Variants in PPP2CB observed in about 807,000 individuals in gnomAD.
The protein encoded by PPP2CB is serine/threonine-protein phosphatase 2A catalytic subunit beta isoform.
Under a neutral mutation model 39.1 loss-of-function variants are expected in PPP2CB, and 18 were observed. The ratio of observed to expected loss-of-function variants is 0.46; its 90% CI spans 0.32 to 0.68. The LOEUF (loss-of-function observed/expected upper bound fraction) is 0.68, where lower values mean the gene tolerates loss of function less well. PPP2CB is among the 30% of genes least tolerant of loss of function. The pLI is 0.04. For missense variants in PPP2CB, 226 were observed against 396.9 expected, an observed-to-expected ratio of 0.57 and a Z score of 3.66; for synonymous variants, 129 against 133.8, an observed-to-expected ratio of 0.96 and a Z score of 0.25.
At chr8:30,788,233 G>A (rs1806374625) in intron 6 of PPP2CB, among the ~76,000 whole-genome samples, 1 of 151,472 alleles carries the variant, frequency 6.6e-6, no homozygotes, top group African/African-American at 2.4e-5. Flanking sequence ...ATAAAGATAG[G>A]TTACTGATTT....
intron 2 of PPP2CB, among the ~76,000 whole-genome samples, chr8:30,798,580 T>C (rs1350076337): frequency 1.3e-5 from 2 of 152,164 alleles, no homozygotes; most frequent in Non-Finnish European, 2.9e-5. Flanking sequence ...CTATACCACC[T>C]AGGTTTGTGT....
intron 3 of PPP2CB, among the ~76,000 whole-genome samples, chr8:30,795,718 T>A (rs947760168): frequency 6.6e-6 from 1 of 151,190 alleles, no homozygotes; most frequent in Non-Finnish European, 1.5e-5. Context: ...CTGGTTGCTA[T>A]TGGTTGTTTA....
At position 30,812,795 on chromosome 8, in the gene PPP2CB, C is replaced by T. The variant is rs1186082571; in HGVS notation, c.-374G>A. On this transcript the variant is annotated 5_prime_UTR_variant, in exon 1 of 7. Transcript: ENST00000221138. ...CCCGCCTCACGCCTACCGGCCTCTCCCGACTTGTCTTTCCCCTTCTCTCGC... is the reference window on the plus strand; with the variant it reads ...CCCGCCTCACGCCTACCGGCCTCTCTCGACTTGTCTTTCCCCTTCTCTCGC... 1 of 463,488 alleles carries T rather than the reference C, an allele frequency of 2.2e-6. No individual in the cohort carries two copies. Among genetic ancestry groups the T allele is most frequent in the Non-Finnish European group, 4.3e-6 (1 of 231,544 alleles). 28.7% of individuals were successfully genotyped at this position (463,488 alleles called of 1,614,324 possible). A position where few individuals can be genotyped will look rare whatever the true frequency, so the allele number is the denominator to read the frequency against.
At chr8:30,790,531 T>C (rs1806413104) in intron 6 of PPP2CB, among the ~76,000 whole-genome samples, 1 of 152,238 alleles carries the variant, frequency 6.6e-6, no homozygotes, top group African/African-American at 2.4e-5. Context: ...TTCTGTGACC[T>C]GCCTTTCCTC....
chr8:30,801,803 T>C (rs953991843), intron 1 of PPP2CB, among the ~76,000 whole-genome samples: 9 of 152,162 alleles, frequency 5.9e-5, no homozygotes, highest in African/African-American at 1.7e-4. Flanking sequence ...ACACACACTG[T>C]AGGAATCACA....
Position 30,799,630 on chromosome 8 carries a change from C to T in PPP2CB, c.228G>A (p.Pro76=), listed in dbSNP as rs1378471067. The T allele has an allele frequency of 8.1e-6, 13 of 1,613,834 alleles. No homozygotes were observed. The highest frequency in any genetic ancestry group is 1.1e-5 in the South Asian group (1 of 91,086). ...MELFRIGGKS[P]DTNYLFMGDY... is the part of the protein sequence containing the mutation. ...CACCCATGAATAAGTAGTTTGTATC[C>T]GGTGATTTTCCACCAATTCTAAAGA... The change falls in exon 2 of 7, where the codon CCG becomes CCA. Residue 76 remains proline, a synonymous_variant. Coordinates refer to ENST00000221138, the MANE Select transcript of PPP2CB (RefSeq NM_001009552.2).
chr8:30,812,221 G>T (rs1242349274), intron 1 of PPP2CB, 99 bp downstream of exon 1: 8 of 863,890 alleles, frequency 9.3e-6, no homozygotes, highest in Non-Finnish European at 9.0e-6. Flanking sequence ...GCCCCCGGTG[G>T]GCCGCGCCGG....
chr8:30,811,580 C>T (rs913203404), intron 1 of PPP2CB, among the ~76,000 whole-genome samples: 19 of 151,464 alleles, frequency 1.3e-4, no homozygotes, highest in African/African-American at 3.4e-4. Context: ...CAACCAGCCT[C>T]CACCTCCTGG....
At chr8:30,806,468 C>G (rs1206823611) in intron 1 of PPP2CB, among the ~76,000 whole-genome samples, 6 of 152,124 alleles carry the variant, frequency 3.9e-5, no homozygotes, top group African/African-American at 1.4e-4. Context: ...TTTAAACAAT[C>G]TGGATTAGGT....
chr8:30,791,939 CATGT>C lies in PPP2CB; in HGVS notation c.739-628_739-625del, dbSNP rs138758826. 1.4e-3 allele frequency among the ~76,000 whole-genome samples: 210 copies of C among 150,264 alleles called. 1 individual carries two copies. The highest frequency in any genetic ancestry group is 1.7e-3 in the Non-Finnish European group (116 of 67,870). On this transcript the variant is annotated intron_variant, in intron 5 of 6. Transcript: ENST00000221138. ...ACATACACGTATATATGTATGTATA[CATGT>C]ATGTGTGCGCATATATGTATACGTG... is the stretch of plus-strand genomic sequence containing the variant.
In PPP2CB at chr8:30,786,310, G is replaced by A; in HGVS notation, c.858-3C>T. ...GAGGCGCTGGGTCAAATTGAAGGCT[G>A]TAAATGGCAAAAAAGGAAGCAAATA... On this transcript the variant is annotated splice_polypyrimidine_tract_variant and splice_region_variant and intron_variant, in intron 6 of 6. Transcript: ENST00000221138. 6.4e-7 allele frequency: 1 copy of A among 1,570,446 alleles called. No homozygotes were observed. The highest frequency in any genetic ancestry group is 8.6e-7 in the Non-Finnish European group (1 of 1,156,996).
chr8:30,791,849 T>C (rs569807596), intron 5 of PPP2CB, among the ~76,000 whole-genome samples: 10 of 150,568 alleles, frequency 6.6e-5, no homozygotes, highest in Non-Finnish European at 1.3e-4. Flanking sequence ...CATATGTATA[T>C]ATACGTGTAT....
intron 1 of PPP2CB, among the ~76,000 whole-genome samples, chr8:30,803,538 G>A (rs1806661041): frequency 6.7e-6 from 1 of 149,580 alleles, no homozygotes; most frequent in Admixed American, 6.6e-5. Flanking sequence ...GTAAGATCCT[G>A]CCTTTAAAAA....
intron 6 of PPP2CB, among the ~76,000 whole-genome samples, chr8:30,790,074 T>C (rs1806406158): frequency 6.6e-6 from 1 of 152,198 alleles, no homozygotes; most frequent in Admixed American, 6.5e-5. Context: ...CCTAATCCAG[T>C]ACAATCTCAT....
At chr8:30,802,626 T>C (rs1301847066) in intron 1 of PPP2CB, among the ~76,000 whole-genome samples, 1 of 152,188 alleles carries the variant, frequency 6.6e-6, no homozygotes, top group Non-Finnish European at 1.5e-5. Context: ...ATTGCAGGTC[T>C]GAGCCACCGT....
intron 2 of PPP2CB, 145 bp from the exon 3 acceptor site, chr8:30,797,899 T>C (rs1270178313): frequency 3.9e-5 from 30 of 774,304 alleles, no homozygotes; most frequent in Non-Finnish European, 4.0e-6. Context: ...AATAAAAAAC[T>C]TGCTTATTCA....
chr8:30,791,462 T>C (rs1224732163), intron 5 of PPP2CB, 147 bp from the exon 6 acceptor site: 2 of 618,366 alleles, frequency 3.2e-6, no homozygotes, highest in African/African-American at 1.9e-5. Context: ...CCATCTTTAA[T>C]AGTTTGTGTA....
At chr8:30,807,186 GAC>G (rs1213759076) in intron 1 of PPP2CB, among the ~76,000 whole-genome samples, 1 of 152,122 alleles carries the variant, frequency 6.6e-6, no homozygotes, top group Admixed American at 6.6e-5. Context: ...TTTATCAATG[GAC>G]CACCAAAGCT....
At chr8:30,809,507 C>T (rs960852251) in intron 1 of PPP2CB, among the ~76,000 whole-genome samples, 11 of 152,124 alleles carry the variant, frequency 7.2e-5, no homozygotes, top group African/African-American at 1.7e-4. Flanking sequence ...AAACTAAGCA[C>T]GGCTCAAAAA....
Sources: allele counts gnomAD v4.1 joint callset (sites outside exome capture counted in the v4.1 genomes callset), GRCh38; gene constraint gnomAD v4.1.1; transcripts MANE v1.5; gene names NCBI Gene and HGNC (gene_info 2026-07-23, HGNC 2026-07-21).